The following SYNPR variants were observed in gnomAD, a reference collection of about 807,000 sequenced individuals.
SYNPR encodes synaptoporin.
In SYNPR, 23 loss-of-function variants were observed where a neutral mutation model predicts 32.9. The ratio of observed to expected loss-of-function variants is 0.70; its 90% CI spans 0.50 to 0.99. The LOEUF (loss-of-function observed/expected upper bound fraction) is 0.99. Ranked by LOEUF, SYNPR falls within the 50% of genes least tolerant of loss-of-function variation. The probability of loss-of-function intolerance (pLI) is 0.00; values close to 1 mark genes in which losing one functional copy is unlikely to be tolerated. For synonymous variants in SYNPR, 146 were observed against 135.9 expected (o/e 1.07, Z -0.52); for missense variants, 318 against 349.3 (o/e 0.91, Z 0.71).
At chr3:63,597,224 T>C (rs2106886775) in intron 4 of SYNPR, among the ~76,000 whole-genome samples, 1 of 152,302 alleles carries the variant, frequency 6.6e-6, no homozygotes. Context: ...CCACAATTAT[T>C]ATTCTTTAAA....
intron 2 of SYNPR, among the ~76,000 whole-genome samples, chr3:63,369,769 A>G (rs1016625057): frequency 6.6e-6 from 1 of 152,194 alleles, no homozygotes; most frequent in Non-Finnish European, 1.5e-5. Context: ...TGTAATTGGG[A>G]CAACAATCAA....
intron 4 of SYNPR, among the ~76,000 whole-genome samples, chr3:63,608,036 G>C (rs569165395): frequency 1.3e-4 from 20 of 152,052 alleles, no homozygotes; most frequent in Non-Finnish European, 1.6e-4. Context: ...TTTCCTGGTC[G>C]GCATTTTTAT....
chr3:63,294,101 A>G (rs1365326076), intron 2 of SYNPR, among the ~76,000 whole-genome samples: 1 of 152,180 alleles, frequency 6.6e-6, no homozygotes, highest in Non-Finnish European at 1.5e-5. Context: ...ATATGTGATT[A>G]TGCTGTATGC....
intron 2 of SYNPR, among the ~76,000 whole-genome samples, chr3:63,440,072 G>C (rs2107158053): frequency 6.6e-6 from 1 of 152,268 alleles, no homozygotes; most frequent in Non-Finnish European, 1.5e-5. Flanking sequence ...AGGCAATAAA[G>C]TGCAAAAACT....
chr3:63,246,554 A>G, intron 1 of SYNPR, among the ~76,000 whole-genome samples: 1 of 152,076 alleles, frequency 6.6e-6, no homozygotes, highest in East Asian at 1.9e-4. Context: ...CTCCTAATCT[A>G]GATGCAGGGG....
chr3:63,346,303 AT>A (rs1262426982), intron 2 of SYNPR, among the ~76,000 whole-genome samples: 1 of 151,966 alleles, frequency 6.6e-6, no homozygotes, highest in Non-Finnish European at 1.5e-5. Flanking sequence ...TATTATGACA[AT>A]TTTTTTCATT....
At chr3:63,523,609 T>C (rs12490923) in intron 3 of SYNPR, among the ~76,000 whole-genome samples, 83,625 of 151,982 alleles carry the variant, frequency 0.55, 23,167 homozygotes, top group South Asian at 0.69. Context: ...TGAGCCTTCC[T>C]AGGGAGCACT....
chr3:63,333,368 A>G (rs1266139715), intron 2 of SYNPR, among the ~76,000 whole-genome samples: 1 of 151,662 alleles, frequency 6.6e-6, no homozygotes, highest in East Asian at 1.9e-4. Context: ...AAGAGCCCCA[A>G]TTTCAAGGGA....
intron 2 of SYNPR, among the ~76,000 whole-genome samples, chr3:63,350,463 G>C (rs992440507): frequency 1.3e-5 from 2 of 152,196 alleles, no homozygotes; most frequent in Non-Finnish European, 2.9e-5. Flanking sequence ...TATCGTGATA[G>C]GAGGAGAAAG....
chr3:63,245,510 CTG>C (rs1052319587), intron 1 of SYNPR, among the ~76,000 whole-genome samples: 1 of 151,908 alleles, frequency 6.6e-6, no homozygotes, highest in Non-Finnish European at 1.5e-5. Context: ...GTTAACTAAC[CTG>C]TCCAGAATTG....
At chr3:63,497,754 A>G (rs946245867) in intron 3 of SYNPR, among the ~76,000 whole-genome samples, 5 of 152,188 alleles carry the variant, frequency 3.3e-5, no homozygotes, top group East Asian at 1.9e-4. Flanking sequence ...AATATTCCGT[A>G]TGGGAACAAA....
At chr3:63,374,796 A>G (rs1421159797) in intron 2 of SYNPR, among the ~76,000 whole-genome samples, 1 of 152,174 alleles carries the variant, frequency 6.6e-6, no homozygotes, top group East Asian at 1.9e-4. Flanking sequence ...ATTATGTTTA[A>G]TATTAGTATA....
chr3:63,341,498 A>G (rs1214922214), intron 2 of SYNPR, among the ~76,000 whole-genome samples: 1 of 152,188 alleles, frequency 6.6e-6, no homozygotes, highest in Admixed American at 6.5e-5. Flanking sequence ...CTATTACTCC[A>G]CATTCTCATC....
chr3:63,301,590 C>T (rs1053885921), intron 2 of SYNPR, among the ~76,000 whole-genome samples: 1 of 151,894 alleles, frequency 6.6e-6, no homozygotes, highest in African/African-American at 2.4e-5. Flanking sequence ...ATTAAAATTT[C>T]CTATACTATT....
At chr3:63,413,492 C>T (rs187117758) in intron 2 of SYNPR, among the ~76,000 whole-genome samples, 10 of 152,206 alleles carry the variant, frequency 6.6e-5, no homozygotes, top group East Asian at 1.9e-4. Context: ...ACATAAAAAG[C>T]GAGATAGGAA....
At chr3:63,489,980 T>A (rs966334376) in intron 3 of SYNPR, among the ~76,000 whole-genome samples, 1 of 152,104 alleles carries the variant, frequency 6.6e-6, no homozygotes, top group Non-Finnish European at 1.5e-5. Context: ...GAGGCAGGGA[T>A]GCAATCCCAG....
intron 3 of SYNPR, among the ~76,000 whole-genome samples, chr3:63,489,099 G>A (rs1359845811): frequency 6.6e-6 from 1 of 152,106 alleles, no homozygotes; most frequent in Non-Finnish European, 1.5e-5. Flanking sequence ...CTTGGAAGAC[G>A]ATCCTGGAAG....
chr3:63,382,288 C>T (rs1207816088), intron 2 of SYNPR, among the ~76,000 whole-genome samples: 1 of 152,174 alleles, frequency 6.6e-6, no homozygotes, highest in Non-Finnish European at 1.5e-5. Context: ...CATGAAAGTT[C>T]TGGCTCTCTA....
intron 3 of SYNPR, among the ~76,000 whole-genome samples, chr3:63,528,668 G>A (rs1575693821): frequency 6.6e-6 from 1 of 151,884 alleles, no homozygotes; most frequent in Admixed American, 6.6e-5. Context: ...GAAAATTAAG[G>A]CCAGGGTTTT....
Sources: gnomAD v4.1 joint callset for allele counts (sites outside exome capture counted in the v4.1 genomes callset) on GRCh38, gnomAD v4.1.1 for gene constraint, MANE v1.5 for transcripts, NCBI Gene and HGNC (gene_info 2026-07-23, HGNC 2026-07-21) for gene names.